Variants in MYT1 observed in about 807,000 individuals in gnomAD.
MYT1 encodes myelin transcription factor I.
MYT1 carries 23 observed loss-of-function variants against 123.0 expected under a neutral mutation model. That is an observed-to-expected ratio of 0.19 (90% confidence interval 0.13 to 0.26). The LOEUF is 0.26. Among genes scored for constraint, MYT1 ranks in the 10% least tolerant of loss-of-function variants. MYT1 has a pLI of 1.00. For synonymous variants in MYT1, 518 were observed against 575.3 expected (o/e 0.90, Z 1.43); for missense variants, 1,125 against 1,472.5 (o/e 0.76, Z 3.86).
At chr20:64,176,752 C>T (rs937636850) in intron 1 of MYT1, among the ~76,000 whole-genome samples, 1 of 152,222 alleles carries the variant, frequency 6.6e-6, no homozygotes, top group Non-Finnish European at 1.5e-5. Context: ...CATGGCTGAA[C>T]TGCTCTCCCA....
Position 64,219,609 on chromosome 20 carries a change from A to G in MYT1, c.1972-104A>G, listed in dbSNP as rs981840481. 71 of 1,020,070 alleles carry G rather than the reference A, an allele frequency of 7.0e-5. 1 individual carries two copies. In the Middle Eastern group the frequency reaches 1.1e-3, roughly 15 times the overall value. 63.2% of individuals were successfully genotyped at this position (1,020,070 alleles called of 1,614,324 possible). A position where few individuals can be genotyped will look rare whatever the true frequency, so the allele number is the denominator to read the frequency against. On this transcript the variant is annotated intron_variant, in intron 12 of 22. Coordinates refer to ENST00000328439, the MANE Select transcript of MYT1 (RefSeq NM_004535.3). The stretch of plus-strand genomic sequence containing the variant: ...TGTCCCCGTTGTCCTGCTTCCTTCT[A>G]TGGGAACCAGTGTTCTGGACTCTGT...
chr20:64,198,170 C>T (rs932609501), intron 2 of MYT1, among the ~76,000 whole-genome samples: 1 of 151,490 alleles, frequency 6.6e-6, no homozygotes, highest in African/African-American at 2.4e-5. Context: ...GCCTGTAGTC[C>T]CAGCTACTCG....
At chr20:64,199,762 C>G in intron 3 of MYT1, 130 bp from the exon 4 acceptor site, 1 of 1,051,982 alleles carries the variant, frequency 9.5e-7, no homozygotes, top group Non-Finnish European at 1.5e-6. Flanking sequence ...CGGCTCAGGT[C>G]TCACTGAGAT....
chr20:64,239,687 G>C (rs1270223806), intron 21 of MYT1, 73 bp from the exon 22 acceptor site: 3 of 1,594,070 alleles, frequency 1.9e-6, no homozygotes, highest in African/African-American at 1.3e-5. Flanking sequence ...GGTTGTGAGA[G>C]GCAGCCCAGA....
Position 64,212,195 on chromosome 20 carries a change from CAGG to C in MYT1, c.1517+58_1517+60del. On this transcript the variant is annotated intron_variant, in intron 9 of 22. Transcript: ENST00000328439. The surrounding 1 kb of genome is among the most constrained non-coding windows in gnomAD (Gnocchi z 6.8). The stretch of plus-strand genomic sequence containing the variant: ...CCAGGGTGGGGGCCGTGGTGGGGGC[CAGG>C]GTGGGGGCCGTGGTGGGGGCCAGGG... The C allele has an allele frequency of 9.8e-6, 1 of 101,976 alleles. No homozygotes were observed. Among genetic ancestry groups the C allele is most frequent in the South Asian group, 7.7e-5 (1 of 12,960 alleles). The allele number at this position is 101,976 out of a possible 1,614,324, so 6.3% of individuals were successfully genotyped here. A position where few individuals can be genotyped will look rare whatever the true frequency, so the allele number is the denominator to read the frequency against.
intron 1 of MYT1, among the ~76,000 whole-genome samples, chr20:64,169,555 A>T (rs938605254): frequency 6.6e-6 from 1 of 152,188 alleles, no homozygotes; most frequent in Non-Finnish European, 1.5e-5. Flanking sequence ...CTGCCGTCCC[A>T]GGGAGCCCGG....
rs1984329537 is a variant in MYT1, at chr20:64,231,863, G to T, written c.2676-301G>T. ...AAGGCTTGGAGGGAACCTGAGAGCA[G>T]CCCCCAGGCCCAGGGTCACGGCTGC... On this transcript the variant is annotated intron_variant, in intron 18 of 22. Transcript: ENST00000328439. The surrounding 1 kb of genome is among the most constrained non-coding windows in gnomAD (Gnocchi z 6.4). Among the ~76,000 whole-genome samples, 1 of 152,214 alleles carries T rather than the reference G, an allele frequency of 6.6e-6. No homozygotes were observed. Among genetic ancestry groups the T allele is most frequent in the African/African-American group, 2.4e-5 (1 of 41,462 alleles).
chr20:64,239,429 C>T (rs1984646872), intron 21 of MYT1, among the ~76,000 whole-genome samples: 1 of 152,130 alleles, frequency 6.6e-6, no homozygotes, highest in Non-Finnish European at 1.5e-5. Flanking sequence ...CCCCTCAGGA[C>T]AGAGGGGCTC....
chr20:64,177,117 C>T (rs932519202), intron 1 of MYT1, among the ~76,000 whole-genome samples: 2 of 152,182 alleles, frequency 1.3e-5, no homozygotes, highest in African/African-American at 2.4e-5. Context: ...CTGGAAGTTA[C>T]ATCTGTATTA....
chr20:64,228,696 C>T (rs1984240189), intron 18 of MYT1, among the ~76,000 whole-genome samples: 1 of 152,176 alleles, frequency 6.6e-6, no homozygotes, highest in Admixed American at 6.5e-5. Flanking sequence ...CCCTGCACTG[C>T]CCACTTTTAG....
In MYT1 at chr20:64,212,310, G is replaced by T. The variant is rs1983703560; in HGVS notation, c.1517+172G>T. Among the ~76,000 whole-genome samples the T allele has an allele frequency of 1.3e-5, 2 of 152,144 alleles. No homozygotes were observed. Among genetic ancestry groups the T allele is most frequent in the African/African-American group, 4.8e-5 (2 of 41,418 alleles). The stretch of plus-strand genomic sequence containing the variant: ...ACCTGGGTTGGGCCTGTGTGTCCCT[G>T]CCTGGGCCGTGAGCCCGTGACCTGG... On this transcript the variant is annotated intron_variant, in intron 9 of 22. Coordinates refer to ENST00000328439, the MANE Select transcript of MYT1 (RefSeq NM_004535.3). This position sits in a 1 kb window ranked among gnomAD's most constrained non-coding sequence, Gnocchi z 6.8.
Position 64,217,077 on chromosome 20 carries a change from T to C in MYT1, c.1642T>C (p.Phe548Leu). 6.2e-7 allele frequency: 1 copy of C among 1,613,582 alleles called. No individual in the cohort carries two copies. Among genetic ancestry groups the C allele is most frequent in the Non-Finnish European group, 8.5e-7 (1 of 1,179,926 alleles). The change falls in exon 11 of 23, where the codon TTC becomes CTC. Residue 548 changes from phenylalanine (F) to leucine (L), a missense_variant. Physicochemically the swap from Phe to Leu is conservative, Grantham distance 22 (BLOSUM62 0). Coordinates refer to ENST00000328439, the MANE Select transcript of MYT1 (RefSeq NM_004535.3). ...TGTACTGCACCCCAGGCCCATGTGCTTCGTGAAGCAGCTCGAGGTCCCTCC... is the reference window on the plus strand; with the variant it reads ...TGTACTGCACCCCAGGCCCATGTGCCTCGTGAAGCAGCTCGAGGTCCCTCC... ...NSDRILRPMC[F>L]VKQLEVPPYG...
intron 6 of MYT1, among the ~76,000 whole-genome samples, chr20:64,207,162 G>A (rs548138980): frequency 1.3e-5 from 2 of 152,214 alleles, no homozygotes; most frequent in Admixed American, 1.3e-4. Flanking sequence ...GGGATTACAG[G>A]CATGAGCCAC....
chr20:64,180,131 T>C (rs533398619), intron 1 of MYT1, among the ~76,000 whole-genome samples: 7 of 150,252 alleles, frequency 4.7e-5, no homozygotes, highest in Non-Finnish European at 7.4e-5. Context: ...CAGTTATACA[T>C]GCTACACACA....
chr20:64,229,088 C>T lies in MYT1; in HGVS notation c.2675+1117C>T, dbSNP rs563309593. ...ATTGACCAACATCACATCCTTCAGA[C>T]GGGGATGGGCCCACCAGCTGTTTGG... On this transcript the variant is annotated intron_variant, in intron 18 of 22. Transcript: ENST00000328439. 1.3e-4 allele frequency among the ~76,000 whole-genome samples: 20 copies of T among 152,350 alleles called. No individual in the cohort carries two copies. In the South Asian group the frequency reaches 3.1e-3, roughly 24 times the overall value.
chr20:64,200,377 G>A lies in MYT1; in HGVS notation c.86+455G>A, dbSNP rs1402574953. 4.6e-5 allele frequency among the ~76,000 whole-genome samples: 7 copies of A among 152,200 alleles called. No homozygotes were observed. The East Asian group carries it at 9.6e-4, about 21-fold the overall frequency. On this transcript the variant is annotated intron_variant, in intron 4 of 22. Coordinates refer to ENST00000328439, the MANE Select transcript of MYT1 (RefSeq NM_004535.3). ...CAGCAGTTCTGTGTGCTGATGACCC[G>A]GCTGGCTGAGCTCTGTGACCGTTTC...
At position 64,195,931 on chromosome 20, in the gene MYT1, C is replaced by T. The variant is rs141950508; in HGVS notation, c.1-2931C>T. ...CCCACAGTTTTCATGGTTTTCCTATCGAAGGCAGAACTATTGAAATATTAA... is the reference window on the plus strand; with the variant it reads ...CCCACAGTTTTCATGGTTTTCCTATTGAAGGCAGAACTATTGAAATATTAA... On this transcript the variant is annotated intron_variant, in intron 2 of 22. Coordinates refer to ENST00000328439, the MANE Select transcript of MYT1 (RefSeq NM_004535.3). Among the ~76,000 whole-genome samples, 192 of 152,256 alleles carry T rather than the reference C, an allele frequency of 1.3e-3. 2 individuals are homozygous for T. The East Asian group carries it at 0.031, about 25-fold the overall frequency.
rs150435760 is a variant in MYT1 at position 64,240,611 on chromosome 20, C to A, written c.*163C>A. ...GATGGCTGGAAATTGGCCGCTCCCA[C>A]GAGGCTCCCTCCAGGCTTGGGGCCG... On this transcript the variant is annotated 3_prime_UTR_variant, in exon 23 of 23. Transcript: ENST00000328439. 2 of 942,978 alleles carry A rather than the reference C, an allele frequency of 2.1e-6. No individual in the cohort carries two copies. The highest frequency in any genetic ancestry group is 3.0e-6 in the Non-Finnish European group (2 of 658,338). The allele number at this position is 942,978 out of a possible 1,614,324, so 58.4% of individuals were successfully genotyped here. A position where few individuals can be genotyped will look rare whatever the true frequency, so the allele number is the denominator to read the frequency against.
Position 64,212,198 on chromosome 20 carries a change from G to T in MYT1, c.1517+60G>T. 2.9e-6 allele frequency: 1 copy of T among 340,240 alleles called. No individual in the cohort carries two copies. The highest frequency in any genetic ancestry group is 5.3e-5 in the African/African-American group (1 of 18,990). 21.1% of individuals were successfully genotyped at this position (340,240 alleles called of 1,614,324 possible). On this transcript the variant is annotated intron_variant, in intron 9 of 22. Transcript: ENST00000328439. The surrounding 1 kb of genome is among the most constrained non-coding windows in gnomAD (Gnocchi z 6.8). ...GGGTGGGGGCCGTGGTGGGGGCCAG[G>T]GTGGGGGCCGTGGTGGGGGCCAGGG...
Sources: allele counts gnomAD v4.1 joint callset (sites outside exome capture counted in the v4.1 genomes callset), GRCh38; gene constraint gnomAD v4.1.1; non-coding constraint Gnocchi (gnomAD v3.1); transcripts MANE v1.5; gene names NCBI Gene and HGNC (gene_info 2026-07-23, HGNC 2026-07-21).